ZFYVE28: variants seen among roughly 807,000 people sequenced by gnomAD.
ZFYVE28 encodes zinc finger FYVE-type containing 28.
A neutral mutation model predicts 82.1 loss-of-function variants in ZFYVE28; 40 were observed. The observed-to-expected ratio is 0.49, with a 90% confidence interval of 0.38 to 0.63. The LOEUF is 0.63. ZFYVE28 is among the 30% of genes least tolerant of loss of function. The probability of loss-of-function intolerance (pLI) is 0.00; values close to 1 mark genes in which losing one functional copy is unlikely to be tolerated. For synonymous variants in ZFYVE28, 612 were observed against 546.1 expected (o/e 1.12, Z -1.68); for missense variants, 1,321 against 1,242.1 (o/e 1.06, Z -0.96).
intron 1 of ZFYVE28, among the ~76,000 whole-genome samples, chr4:2,363,790 G>A (rs1726487348): frequency 6.6e-6 from 1 of 152,162 alleles, no homozygotes; most frequent in Non-Finnish European, 1.5e-5. Context: ...TCTTGGGACT[G>A]GTAATTAGCG....
Position 2,279,246 on chromosome 4 carries a change from A to G in ZFYVE28, c.2052-5030T>C, listed in dbSNP as rs1214569637. 2.0e-5 allele frequency among the ~76,000 whole-genome samples: 3 copies of G among 152,188 alleles called. No homozygotes were observed. The East Asian group carries it at 5.8e-4, about 29-fold the overall frequency. On this transcript the variant is annotated intron_variant, in intron 8 of 12. Transcript: ENST00000290974. The stretch of plus-strand genomic sequence containing the variant: ...CAGGAGCTCGAGACCAGCCTGGCCA[A>G]CTTGGTGAAACCCCGTCTCTACTGA...
chr4:2,343,173 T>C (rs556619054), intron 2 of ZFYVE28: 2 of 152,224 alleles, frequency 1.3e-5, no homozygotes, highest in African/African-American at 4.8e-5. Flanking sequence ...ATGCTCCGAG[T>C]GTGGATTACT....
In ZFYVE28 at chr4:2,298,708, C is replaced by T. The variant is rs1715029295; in HGVS notation, c.2051+5581G>A. On this transcript the variant is annotated intron_variant, in intron 8 of 12. Transcript: ENST00000290974. The stretch of plus-strand genomic sequence containing the variant: ...ACAGTCACAGAGGCGCCCGACTGCA[C>T]GACGGAGCAGGCCTGGCCTTGCCCC... Among the ~76,000 whole-genome samples the T allele has an allele frequency of 2.0e-5, 3 of 152,332 alleles. No homozygotes were observed. In the South Asian group the frequency reaches 6.2e-4, roughly 32 times the overall value.
At chr4:2,393,170 G>A (rs567307179) in intron 1 of ZFYVE28, among the ~76,000 whole-genome samples, 10 of 152,296 alleles carry the variant, frequency 6.6e-5, no homozygotes, top group South Asian at 4.1e-4. Flanking sequence ...TCCTCGGCCC[G>A]TGGAATGCAG....
chr4:2,298,173 G>A lies in ZFYVE28; in HGVS notation c.2051+6116C>T, dbSNP rs371638244. The stretch of plus-strand genomic sequence containing the variant: ...GCAGAGGACGAGCGGTGACAGTGGG[G>A]TGACACAGTGACACGGCAGGCTGTG... On this transcript the variant is annotated intron_variant, in intron 8 of 12. Coordinates refer to ENST00000290974, the MANE Select transcript of ZFYVE28 (RefSeq NM_020972.3). 9.4e-4 allele frequency among the ~76,000 whole-genome samples: 141 copies of A among 150,338 alleles called. No homozygotes were observed. In the Middle Eastern group the frequency reaches 0.01, roughly 11 times the overall value.
chr4:2,330,646 A>C, intron 6 of ZFYVE28: 3 of 1,388,986 alleles, frequency 2.2e-6, no homozygotes, highest in South Asian at 1.5e-5. Context: ...GGGACAGTGT[A>C]GTGGAGGGGC....
chr4:2,354,453 ATTTTTTT>A (rs11454323), intron 1 of ZFYVE28, among the ~76,000 whole-genome samples: 7 of 122,522 alleles, frequency 5.7e-5, no homozygotes, highest in East Asian at 2.2e-4. Context: ...CTCTCAGGAA[ATTTTTTT>A]TTTTTTTTTT....
intron 6 of ZFYVE28, among the ~76,000 whole-genome samples, chr4:2,323,066 AG>A (rs1719337755): frequency 6.6e-6 from 1 of 152,222 alleles, no homozygotes; most frequent in African/African-American, 2.4e-5. Flanking sequence ...TATGCCTAGA[AG>A]GGTATGTGGT....
chr4:2,319,754 C>T (rs1230505987), intron 7 of ZFYVE28, among the ~76,000 whole-genome samples: 1 of 149,726 alleles, frequency 6.7e-6, no homozygotes, highest in Non-Finnish European at 1.5e-5. Flanking sequence ...AGACAAAGGG[C>T]ACAGGTGGAG....
At chr4:2,306,675 T>C (rs934198817) in intron 7 of ZFYVE28, among the ~76,000 whole-genome samples, 21 of 152,266 alleles carry the variant, frequency 1.4e-4, no homozygotes, top group Admixed American at 1.3e-3. Flanking sequence ...GTACTCCAAA[T>C]GCTGCCCATT....
chr4:2,397,545 C>G (rs1730612188), intron 1 of ZFYVE28, among the ~76,000 whole-genome samples: 1 of 151,746 alleles, frequency 6.6e-6, no homozygotes, highest in Non-Finnish European at 1.5e-5. Flanking sequence ...CCACAACTTT[C>G]TCACCTTCCC....
intron 1 of ZFYVE28, among the ~76,000 whole-genome samples, chr4:2,383,793 C>T (rs56400690): frequency 0.24 from 36,388 of 152,036 alleles, 6,365 homozygotes; most frequent in African/African-American, 0.5. Context: ...TATTCTATTC[C>T]TAAGAGACCC....
At chr4:2,276,303 A>G (rs893116134) in intron 8 of ZFYVE28, among the ~76,000 whole-genome samples, 2 of 152,218 alleles carry the variant, frequency 1.3e-5, no homozygotes, top group Non-Finnish European at 2.9e-5. Flanking sequence ...GGACCCCAAC[A>G]ATGCTCCGTG....
At chr4:2,308,698 A>AAAG in intron 7 of ZFYVE28, among the ~76,000 whole-genome samples, 1 of 140,532 alleles carries the variant, frequency 7.1e-6, no homozygotes, top group African/African-American at 3.0e-5. Flanking sequence ...AAAAGAAAAG[A>AAAG]AAAGAAAAAA....
Position 2,270,240 on chromosome 4 carries a change from G to C in ZFYVE28, c.*485C>G, listed in dbSNP as rs560181733. ...TGGGGAACGAGGTGGGCAGCTGATG[G>C]GGAGAATGGGTAGCCTGCATTTGAC... is the stretch of plus-strand genomic sequence containing the variant. On this transcript the variant is annotated 3_prime_UTR_variant, in exon 13 of 13. Coordinates refer to ENST00000290974, the MANE Select transcript of ZFYVE28 (RefSeq NM_020972.3). 1 of 168,324 alleles carries C rather than the reference G, an allele frequency of 5.9e-6. No homozygotes were observed. The highest frequency in any genetic ancestry group is 1.5e-4 in the South Asian group (1 of 6,730). 10.4% of individuals were successfully genotyped at this position (168,324 alleles called of 1,614,324 possible).
chr4:2,349,505 C>T (rs1724049892), intron 2 of ZFYVE28, among the ~76,000 whole-genome samples: 1 of 152,138 alleles, frequency 6.6e-6, no homozygotes, highest in Admixed American at 6.5e-5. Flanking sequence ...TACCCTAAAA[C>T]TTAAAGTATA....
chr4:2,330,727 T>C (rs1299406187), intron 6 of ZFYVE28: 2 of 1,458,580 alleles, frequency 1.4e-6, no homozygotes, highest in Admixed American at 4.6e-5. Flanking sequence ...GGAGGAAACA[T>C]CATGGAAAAG....
At chr4:2,393,124 T>A (rs1730013940) in intron 1 of ZFYVE28, among the ~76,000 whole-genome samples, 1 of 152,116 alleles carries the variant, frequency 6.6e-6, no homozygotes, top group Non-Finnish European at 1.5e-5. Context: ...GTCAATCCCA[T>A]CTCATCTGCA....
chr4:2,306,353 G>C (rs927367348), intron 7 of ZFYVE28, among the ~76,000 whole-genome samples: 14 of 152,236 alleles, frequency 9.2e-5, no homozygotes, highest in African/African-American at 3.4e-4. Flanking sequence ...TTGCAGAGCT[G>C]GGCAGAACTT....
Sources: gnomAD v4.1 joint callset for allele counts (sites outside exome capture counted in the v4.1 genomes callset) on GRCh38, gnomAD v4.1.1 for gene constraint, MANE v1.5 for transcripts, NCBI Gene and HGNC (gene_info 2026-07-23, HGNC 2026-07-21) for gene names.